CXorf66: variants seen among roughly 807,000 people sequenced by gnomAD.
The protein encoded by CXorf66 is uncharacterized protein CXorf66.
CXorf66 carries 6 observed loss-of-function variants against 5.0 expected under a neutral mutation model. That is an observed-to-expected ratio of 1.20 (90% confidence interval 0.65 to 2.36). The LOEUF is 2.36. Ranked by LOEUF, CXorf66 falls within the 30% of genes most tolerant of loss-of-function variation. The pLI is 0.00. For synonymous variants in CXorf66, 98 were observed against 102.8 expected (o/e 0.95, Z 0.28); for missense variants, 270 against 254.9 (o/e 1.06, Z -0.40).
intron 1 of CXorf66, among the ~76,000 whole-genome samples, chrX:139,961,163 A>C (rs773868190): frequency 3.4e-4 from 38 of 111,985 alleles, no homozygotes; most frequent in Non-Finnish European, 6.2e-4. Context: ...AAGACTCATC[A>C]GTATGCTGTA....
chrX:139,956,824 G>A, intron 2 of CXorf66, 85 bp from the exon 3 acceptor site: 1 of 925,592 alleles, frequency 1.1e-6, no homozygotes, highest in South Asian at 2.5e-5. Flanking sequence ...GTACTGCTTA[G>A]ACCTGTGGTC....
At position 139,955,766 on chromosome X, in the gene CXorf66, C is replaced by A; in HGVS notation, c.*130G>T. The stretch of plus-strand genomic sequence containing the variant: ...TTTTATTGATATTTTTAAAATAAAT[C>A]GCCTCCAAGACAGATATGGGTGATC... On this transcript the variant is annotated 3_prime_UTR_variant, in exon 3 of 3. Coordinates refer to ENST00000370540, the MANE Select transcript of CXorf66 (RefSeq NM_001013403.3). 1 of 483,318 alleles carries A rather than the reference C, an allele frequency of 2.1e-6. No homozygotes were observed. The highest frequency in any genetic ancestry group is 3.2e-6 in the Non-Finnish European group (1 of 310,388). 39.8% of individuals were successfully genotyped at this position (483,318 alleles called of 1,213,427 possible). A position where few individuals can be genotyped will look rare whatever the true frequency, so the allele number is the denominator to read the frequency against.
Position 139,958,061 on chromosome X carries a change from T to G in CXorf66, c.242+3A>C. On this transcript the variant is annotated splice_donor_region_variant and intron_variant, in intron 2 of 2. Coordinates refer to ENST00000370540, the MANE Select transcript of CXorf66 (RefSeq NM_001013403.3). ...ACTCTTAATTTAAAGGAGTAAAACT[T>G]ACATTCCTGCTTTGGACGCATCATC... 1 of 1,187,687 alleles carries G rather than the reference T, an allele frequency of 8.4e-7. No homozygotes were observed. The highest frequency in any genetic ancestry group is 1.1e-6 in the Non-Finnish European group (1 of 886,105).
Position 139,956,681 on chromosome X carries a change from T to C in CXorf66, c.301A>G (p.Thr101Ala), listed in dbSNP as rs2085575087. Reference sequence around the variant, plus strand: ...GTTTCTGGACTGCATTGAGAGGCTGTCTTGGCTTCACTGAATGATGTTTTA... The same window carrying C: ...GTTTCTGGACTGCATTGAGAGGCTGCCTTGGCTTCACTGAATGATGTTTTA... Reference protein sequence around the residue: ...SSKTSFSEAKTASQCSPETQP... With the variant: ...SSKTSFSEAKAASQCSPETQP... The change falls in exon 3 of 3, where the codon ACA becomes GCA. Residue 101 changes from threonine (T) to alanine (A), a missense_variant. Coordinates refer to ENST00000370540, the MANE Select transcript of CXorf66 (RefSeq NM_001013403.3). The C allele has an allele frequency of 1.7e-6, 2 of 1,208,645 alleles. No homozygotes were observed. The highest frequency in any genetic ancestry group is 2.2e-6 in the Non-Finnish European group (2 of 894,110).
At chrX:139,957,082 G>A (rs773952040) in intron 2 of CXorf66, among the ~76,000 whole-genome samples, 1 of 111,209 alleles carries the variant, frequency 9.0e-6, no homozygotes, top group South Asian at 3.8e-4. Context: ...CAGGAGAATC[G>A]TCTGAACCTG....
chrX:139,956,157 A>T lies in CXorf66; in HGVS notation c.825T>A (p.Val275=), dbSNP rs747708061. The T allele has an allele frequency of 4.1e-6, 5 of 1,211,912 alleles. No individual in the cohort carries two copies. The highest frequency in any genetic ancestry group is 4.6e-4 in the Middle Eastern group (2 of 4,355). The stretch of plus-strand genomic sequence containing the variant: ...TGACCAAAGGCCTATAAGTTTTGGC[A>T]ACAAGATGTTTTTTCTTGTAGGGTT... ...TCQPYKKKHL[V]AKTYRPLVND... Residue 275 remains valine, a synonymous_variant, in exon 3 of 3, where the codon GTT becomes GTA. Coordinates refer to ENST00000370540, the MANE Select transcript of CXorf66 (RefSeq NM_001013403.3).
chrX:139,961,165 T>C (rs2085592058), intron 1 of CXorf66, among the ~76,000 whole-genome samples: 1 of 111,616 alleles, frequency 9.0e-6, no homozygotes, highest in African/African-American at 3.3e-5. Flanking sequence ...GACTCATCAG[T>C]ATGCTGTATT....
chrX:139,962,604 GC>G (rs1241686192), intron 1 of CXorf66, among the ~76,000 whole-genome samples: 4 of 111,312 alleles, frequency 3.6e-5, no homozygotes, highest in Non-Finnish European at 5.7e-5. Context: ...TGAAAACCTG[GC>G]AGAGACACAA....
intron 1 of CXorf66, among the ~76,000 whole-genome samples, chrX:139,963,783 G>A (rs1299146034): frequency 9.1e-6 from 1 of 110,040 alleles, no homozygotes; most frequent in Non-Finnish European, 1.9e-5. Context: ...TCTGATCTTT[G>A]ACAAACCTGA....
intron 1 of CXorf66, among the ~76,000 whole-genome samples, chrX:139,960,342 C>T (rs912032850): frequency 9.2e-6 from 1 of 108,378 alleles, no homozygotes; most frequent in Non-Finnish European, 1.9e-5. Flanking sequence ...TGAAGATCAA[C>T]TTACTGAAAT....
chrX:139,958,609 T>C (rs2085582516), intron 1 of CXorf66, among the ~76,000 whole-genome samples: 1 of 111,770 alleles, frequency 8.9e-6, no homozygotes, highest in Non-Finnish European at 1.9e-5. Flanking sequence ...ATGCTGGAGA[T>C]CTGGCAAGAT....
chrX:139,963,067 C>T (rs2085599903), intron 1 of CXorf66, among the ~76,000 whole-genome samples: 1 of 111,551 alleles, frequency 9.0e-6, no homozygotes, highest in South Asian at 3.8e-4. Flanking sequence ...GAACTTCTGG[C>T]CAGGGCAATC....
At position 139,956,091 on chromosome X, in the gene CXorf66, T is replaced by C. The variant is rs368846477; in HGVS notation, c.891A>G (p.Leu297=). The change falls in exon 3 of 3, where the codon CTA becomes CTG. Residue 297 remains leucine, a synonymous_variant. Coordinates refer to ENST00000370540, the MANE Select transcript of CXorf66 (RefSeq NM_001013403.3). ...SEAKEKNTQN[L]HVSSKVKSSS... is the part of the protein sequence containing the mutation. ...AGGACTTGACTTTGCTTGAAACATG[T>C]AGGTTTTGAGTGTTTTTCTCCTTTG... 2 of 1,211,163 alleles carry C rather than the reference T, an allele frequency of 1.7e-6. No homozygotes were observed. The highest frequency in any genetic ancestry group is 3.5e-5 in the African/African-American group (2 of 57,866).
chrX:139,964,858 A>G (rs1306654705), intron 1 of CXorf66, among the ~76,000 whole-genome samples: 1 of 110,558 alleles, frequency 9.0e-6, no homozygotes, highest in African/African-American at 3.3e-5. Flanking sequence ...TGGGAGTTGA[A>G]CAATGAGAAC....
In CXorf66 at chrX:139,962,581, C is replaced by T. The variant is rs146745008; in HGVS notation, c.88+2828G>A. On this transcript the variant is annotated intron_variant, in intron 1 of 2. Coordinates refer to ENST00000370540, the MANE Select transcript of CXorf66 (RefSeq NM_001013403.3). Reference sequence around the variant, plus strand: ...TCCCTAACTCGTTTTATGAGGCCGGCGTCATCCTGATATGAAAACCTGGCA... The same window carrying T: ...TCCCTAACTCGTTTTATGAGGCCGGTGTCATCCTGATATGAAAACCTGGCA... Among the ~76,000 whole-genome samples the T allele has an allele frequency of 2.1e-3, 234 of 111,430 alleles. 1 individual carries two copies. Among genetic ancestry groups the T allele is most frequent in the African/African-American group, 5.8e-3 (179 of 30,747 alleles).
intron 1 of CXorf66, among the ~76,000 whole-genome samples, chrX:139,963,788 A>T (rs1926629484): frequency 9.0e-6 from 1 of 110,509 alleles, no homozygotes; most frequent in South Asian, 3.8e-4. Context: ...TCTTTGACAA[A>T]CCTGACAAAA....
chrX:139,960,427 T>C (rs2085589404), intron 1 of CXorf66, among the ~76,000 whole-genome samples: 2 of 110,344 alleles, frequency 1.8e-5, no homozygotes, highest in Non-Finnish European at 3.8e-5. Flanking sequence ...TATGGGACTA[T>C]GTGAAAAGAC....
At chrX:139,960,165 G>C (rs2085588405) in intron 1 of CXorf66, among the ~76,000 whole-genome samples, 1 of 110,111 alleles carries the variant, frequency 9.1e-6, no homozygotes, top group East Asian at 2.9e-4. Context: ...ATGCAAGGAA[G>C]CTAAGAACCT....
chrX:139,960,147 C>T (rs1432854008), intron 1 of CXorf66, among the ~76,000 whole-genome samples: 1 of 110,205 alleles, frequency 9.1e-6, no homozygotes, highest in African/African-American at 3.3e-5. Context: ...GGAGCATGTT[C>T]TAACCAAATG....
Sources: gnomAD v4.1 joint callset for allele counts (sites outside exome capture counted in the v4.1 genomes callset) on GRCh38, gnomAD v4.1.1 for gene constraint, MANE v1.5 for transcripts, NCBI Gene and HGNC (gene_info 2026-07-23, HGNC 2026-07-21) for gene names.